DLG2: variants seen among roughly 807,000 people sequenced by gnomAD.
DLG2 encodes disks large homolog 2.
In DLG2, 45 loss-of-function variants were observed where a neutral mutation model predicts 132.5. The observed-to-expected ratio is 0.34, with a 90% CI of 0.27 to 0.44. The LOEUF is 0.44. DLG2 is among the 20% of genes least tolerant of loss of function. DLG2 has a pLI of 1.00. For missense variants in DLG2, 1,045 were observed against 1,196.9 expected (o/e 0.87, Z 1.87); for synonymous variants, 424 against 419.6 (o/e 1.01, Z -0.13).
At chr11:84,974,911 T>A (rs564899013) in intron 6 of DLG2, among the ~76,000 whole-genome samples, 45 of 152,370 alleles carry the variant, frequency 3.0e-4, no homozygotes, top group Non-Finnish European at 5.3e-4. Flanking sequence ...TATAGACTTC[T>A]TGATAAATAA....
At chr11:84,381,288 C>A (rs1331935721) in intron 7 of DLG2, among the ~76,000 whole-genome samples, 1 of 151,972 alleles carries the variant, frequency 6.6e-6, no homozygotes, top group Non-Finnish European at 1.5e-5. Context: ...CAGACAAGTT[C>A]TTCCATTTAA....
At chr11:83,703,478 T>C (rs1258212200) in intron 18 of DLG2, among the ~76,000 whole-genome samples, 1 of 152,032 alleles carries the variant, frequency 6.6e-6, no homozygotes, top group Non-Finnish European at 1.5e-5. Context: ...GGAGAAACCC[T>C]GTCTCTACTA....
chr11:83,983,050 G>A (rs2092935048), intron 11 of DLG2, among the ~76,000 whole-genome samples: 1 of 152,066 alleles, frequency 6.6e-6, no homozygotes, highest in Admixed American at 6.6e-5. Context: ...TGATGACATT[G>A]TCTAATGATG....
At chr11:84,646,622 A>AT (rs2099675289) in intron 6 of DLG2, among the ~76,000 whole-genome samples, 1 of 151,946 alleles carries the variant, frequency 6.6e-6, no homozygotes, top group South Asian at 2.1e-4. Context: ...GAAAAAAAAA[A>AT]CTCTATTCTA....
At chr11:84,903,321 T>C (rs867957497) in intron 6 of DLG2, among the ~76,000 whole-genome samples, 1 of 152,178 alleles carries the variant, frequency 6.6e-6, no homozygotes, top group Non-Finnish European at 1.5e-5. Context: ...ACCACTTTCA[T>C]GCCTTATGTT....
At chr11:84,902,470 C>T (rs945991266) in intron 6 of DLG2, among the ~76,000 whole-genome samples, 9 of 152,260 alleles carry the variant, frequency 5.9e-5, no homozygotes, top group Non-Finnish European at 1.0e-4. Flanking sequence ...TACCTTATAT[C>T]TAAAAAGTGC....
chr11:84,637,049 G>A (rs7121721), intron 6 of DLG2, among the ~76,000 whole-genome samples: 25,781 of 151,846 alleles, frequency 0.17, 2,910 homozygotes, highest in African/African-American at 0.32. Context: ...CGGCCTCCCA[G>A]AGTGCTGGGA....
chr11:84,620,945 G>C (rs1412090508), intron 6 of DLG2, among the ~76,000 whole-genome samples: 1 of 152,098 alleles, frequency 6.6e-6, no homozygotes. Flanking sequence ...CAAAGTATCT[G>C]TTAGCAAGAG....
At chr11:83,740,069 A>G (rs2092379866) in intron 18 of DLG2, among the ~76,000 whole-genome samples, 1 of 152,064 alleles carries the variant, frequency 6.6e-6, no homozygotes, top group African/African-American at 2.4e-5. Context: ...CAAAAGAAAA[A>G]CTAATGTGGA....
intron 17 of DLG2, among the ~76,000 whole-genome samples, chr11:83,825,365 G>C (rs959029240): frequency 6.6e-6 from 1 of 151,508 alleles, no homozygotes; most frequent in African/African-American, 2.4e-5. Context: ...ATTTTTAGTA[G>C]AGATGGGGTT....
intron 8 of DLG2, among the ~76,000 whole-genome samples, chr11:84,217,499 C>T (rs2096852500): frequency 6.6e-6 from 1 of 152,164 alleles, no homozygotes; most frequent in Admixed American, 6.5e-5. Flanking sequence ...CTTGTGAGTC[C>T]ATTAAACCTC....
At chr11:85,220,014 A>G (rs1377623585) in intron 4 of DLG2, among the ~76,000 whole-genome samples, 3 of 152,062 alleles carry the variant, frequency 2.0e-5, no homozygotes, top group Non-Finnish European at 2.9e-5. Context: ...TTATTCATTC[A>G]TTCATTCCTC....
At chr11:85,538,541 A>G (rs1472703708) in intron 3 of DLG2, among the ~76,000 whole-genome samples, 1 of 151,934 alleles carries the variant, frequency 6.6e-6, no homozygotes, top group Non-Finnish European at 1.5e-5. Flanking sequence ...ACATGCATCC[A>G]TATGTCCATT....
intron 10 of DLG2, among the ~76,000 whole-genome samples, chr11:84,095,489 T>G (rs2097153404): frequency 6.6e-6 from 1 of 152,194 alleles, no homozygotes; most frequent in South Asian, 2.1e-4. Context: ...GGACTAATGG[T>G]GAGATAAAAC....
At chr11:84,935,529 C>G (rs576185913) in intron 6 of DLG2, among the ~76,000 whole-genome samples, 7 of 152,120 alleles carry the variant, frequency 4.6e-5, no homozygotes, top group Non-Finnish European at 1.0e-4. Flanking sequence ...AACACAGGAC[C>G]CTCCTACCTG....
intron 11 of DLG2, among the ~76,000 whole-genome samples, chr11:84,058,477 A>G (rs1468987679): frequency 6.8e-6 from 1 of 148,116 alleles, no homozygotes; most frequent in African/African-American, 2.5e-5. Flanking sequence ...GCAACAAAGC[A>G]AGGGTCTGTC....
chr11:83,917,457 T>G (rs1047303657), intron 15 of DLG2, among the ~76,000 whole-genome samples: 4 of 152,258 alleles, frequency 2.6e-5, no homozygotes, highest in Non-Finnish European at 5.9e-5. Context: ...ATGTTTAGTA[T>G]AGATGAAAAA....
At chr11:84,753,199 G>A (rs1004943394) in intron 6 of DLG2, among the ~76,000 whole-genome samples, 1 of 152,188 alleles carries the variant, frequency 6.6e-6, no homozygotes, top group African/African-American at 2.4e-5. Context: ...AAACAGAGAA[G>A]AGAGACAGAT....
intron 3 of DLG2, among the ~76,000 whole-genome samples, chr11:85,520,496 T>C (rs532665922): frequency 2.9e-5 from 4 of 138,766 alleles, no homozygotes; most frequent in African/African-American, 1.1e-4. Context: ...AAAAAAATAG[T>C]CCTAAAATGT....
Sources: gnomAD v4.1 joint callset for allele counts (sites outside exome capture counted in the v4.1 genomes callset) on GRCh38, gnomAD v4.1.1 for gene constraint, MANE v1.5 for transcripts, NCBI Gene and HGNC (gene_info 2026-07-23, HGNC 2026-07-21) for gene names.